KIF5C: variants seen among roughly 807,000 people sequenced by gnomAD.
KIF5C encodes the protein kinesin heavy chain isoform 5C.
KIF5C carries 18 observed loss-of-function variants against 125.2 expected under a neutral mutation model. That is an observed-to-expected ratio of 0.14 (90% CI 0.10 to 0.21). The LOEUF (loss-of-function observed/expected upper bound fraction) is 0.21. Among genes scored for constraint, KIF5C ranks in the 10% least tolerant of loss-of-function variants. The probability of loss-of-function intolerance (pLI) is 1.00; values close to 1 mark genes in which losing one functional copy is unlikely to be tolerated. For synonymous variants in KIF5C, 405 were observed against 434.0 expected (o/e 0.93, Z 0.83); for missense variants, 780 against 1,183.8 (o/e 0.66, Z 5.01).
rs1183695032 is a variant in KIF5C, at chr2:149,025,458, C to T, written c.*2388C>T. ...ATATCAGGACCATGTTCTCTGTAGGCCACTTTCTAAAAAAGCCACATATGT... is the reference window on the plus strand; with the variant it reads ...ATATCAGGACCATGTTCTCTGTAGGTCACTTTCTAAAAAAGCCACATATGT... On this transcript the variant is annotated 3_prime_UTR_variant, in exon 26 of 26. Transcript: ENST00000435030. The T allele has an allele frequency of 6.6e-6, 1 of 152,582 alleles. No homozygotes were observed. Among genetic ancestry groups the T allele is most frequent in the African/African-American group, 2.4e-5 (1 of 41,420 alleles). 9.5% of individuals were successfully genotyped at this position (152,582 alleles called of 1,614,324 possible).
intron 2 of KIF5C, 42 bp from the exon 3 acceptor site, chr2:148,929,239 C>A: frequency 7.9e-7 from 1 of 1,270,258 alleles, no homozygotes; most frequent in Non-Finnish European, 1.1e-6. Flanking sequence ...AGCATATGAT[C>A]AAAGTAATGA....
At chr2:148,995,440 A>G (rs1681639767) in intron 17 of KIF5C, among the ~76,000 whole-genome samples, 1 of 152,214 alleles carries the variant, frequency 6.6e-6, no homozygotes, top group Non-Finnish European at 1.5e-5. Context: ...GCACATAGGA[A>G]GCACTTCATA....
At chr2:148,879,491 A>T (rs1178007009) in intron 1 of KIF5C, 1 of 143,702 alleles carries the variant, frequency 7.0e-6, no homozygotes, top group Admixed American at 7.0e-5. Context: ...AAAGAACTGC[A>T]TTCAGCTTTG....
At chr2:148,935,134 T>C in intron 3 of KIF5C, 1 of 351,388 alleles carries the variant, frequency 2.8e-6, no homozygotes, top group South Asian at 2.2e-5. Context: ...GATTTTAGGG[T>C]GAGGACTTCA....
chr2:148,997,372 G>C, intron 18 of KIF5C, 32 bp downstream of exon 18: 1 of 1,613,742 alleles, frequency 6.2e-7, no homozygotes, highest in African/African-American at 1.3e-5. Context: ...ATCAAGCCCA[G>C]TGTGCATTTG....
chr2:148,899,702 C>CAAAAAAAAAAA (rs771196518), intron 1 of KIF5C, among the ~76,000 whole-genome samples: 2 of 46,062 alleles, frequency 4.3e-5, no homozygotes, highest in African/African-American at 7.6e-5. Context: ...AACTCCATCT[C>CAAAAAAAAAAA]AAAAAAAAAA....
intron 3 of KIF5C, among the ~76,000 whole-genome samples, chr2:148,930,172 G>T (rs1451152333): frequency 6.6e-6 from 1 of 152,132 alleles, no homozygotes; most frequent in African/African-American, 2.4e-5. Context: ...CTTATATTTG[G>T]CATCCTTCCT....
At chr2:148,971,362 A>G (rs944164520) in intron 11 of KIF5C, among the ~76,000 whole-genome samples, 2 of 151,128 alleles carry the variant, frequency 1.3e-5, no homozygotes, top group African/African-American at 4.9e-5. Context: ...TATGTTTAAG[A>G]AAAAAAAAGA....
intron 2 of KIF5C, 56 bp from the exon 3 acceptor site, chr2:148,929,225 C>A: frequency 9.2e-7 from 1 of 1,082,938 alleles, no homozygotes; most frequent in Non-Finnish European, 1.4e-6. Flanking sequence ...ATGCAACCTA[C>A]ACCAGCATAT....
intron 3 of KIF5C, among the ~76,000 whole-genome samples, chr2:148,933,110 T>C (rs1682215135): frequency 6.6e-6 from 1 of 152,260 alleles, no homozygotes; most frequent in African/African-American, 2.4e-5. Flanking sequence ...AAATACACTT[T>C]CACTGTTCTT....
In KIF5C at chr2:148,951,844, C is replaced by T. The variant is rs139828554; in HGVS notation, c.968+1382C>T. On this transcript the variant is annotated intron_variant, in intron 10 of 25. Transcript: ENST00000435030. ...GAATAGTTTAAGATGAGAGAAAGGA[C>T]AGATGGGGGTGGGCATTCTGTCTGG... Among the ~76,000 whole-genome samples the T allele has an allele frequency of 6.8e-3, 1,036 of 152,230 alleles. 17 individuals are homozygous for T. Among genetic ancestry groups the T allele is most frequent in the Middle Eastern group, 0.065 (19 of 294 alleles).
chr2:148,999,047 G>A (rs895837840), intron 19 of KIF5C, among the ~76,000 whole-genome samples: 1 of 152,158 alleles, frequency 6.6e-6, no homozygotes, highest in Non-Finnish European at 1.5e-5. Flanking sequence ...TGCAGGTAGA[G>A]GTGCCAGTGA....
chr2:148,948,024 C>T, intron 8 of KIF5C: 1 of 456,508 alleles, frequency 2.2e-6, no homozygotes, highest in Admixed American at 2.3e-5. Flanking sequence ...AGAAAGTCAT[C>T]CGGGTATTTC....
chr2:148,939,567 GC>G (rs1682363466), intron 4 of KIF5C, among the ~76,000 whole-genome samples: 1 of 152,238 alleles, frequency 6.6e-6, no homozygotes, highest in Non-Finnish European at 1.5e-5. Flanking sequence ...GATAAAAACA[GC>G]CCTAGCATGA....
At chr2:149,022,849 G>A (rs1234152714) in intron 25 of KIF5C, among the ~76,000 whole-genome samples, 1 of 152,192 alleles carries the variant, frequency 6.6e-6, no homozygotes, top group Non-Finnish European at 1.5e-5. Context: ...ACTTGAACCC[G>A]AGAGGCAGAG....
intron 1 of KIF5C, among the ~76,000 whole-genome samples, chr2:148,899,266 A>G (rs1444623419): frequency 1.3e-5 from 2 of 152,232 alleles, no homozygotes; most frequent in Non-Finnish European, 2.9e-5. Context: ...TTTCAAGACT[A>G]CTTGCTGCTT....
rs1681744526 is a variant in KIF5C at position 148,998,522 on chromosome 2, A to G, written c.2210+13A>G. ...ATGAGATTCGGGAGTGAGTCGGCCCAGGGCACCAGGGGTGTGGGGGTGGTC... is the reference window on the plus strand; with the variant it reads ...ATGAGATTCGGGAGTGAGTCGGCCCGGGGCACCAGGGGTGTGGGGGTGGTC... On this transcript the variant is annotated intron_variant, in intron 19 of 25. Transcript: ENST00000435030. 3 of 1,552,240 alleles carry G rather than the reference A, an allele frequency of 1.9e-6. No homozygotes were observed. In the African/African-American group the frequency reaches 4.1e-5, roughly 21 times the overall value.
At chr2:149,010,038 G>A (rs975860533) in intron 23 of KIF5C, 97 bp from the exon 24 acceptor site, 74 of 1,455,714 alleles carry the variant, frequency 5.1e-5, no homozygotes, top group Non-Finnish European at 6.5e-5. Context: ...CCTAGCAGGG[G>A]CCACCTGTTC....
chr2:148,940,098 A>C (rs1170642818), intron 4 of KIF5C, among the ~76,000 whole-genome samples: 1 of 152,228 alleles, frequency 6.6e-6, no homozygotes, highest in Non-Finnish European at 1.5e-5. Context: ...TTAAGATCTC[A>C]AAAATAATAG....
Sources: allele counts gnomAD v4.1 joint callset (sites outside exome capture counted in the v4.1 genomes callset), GRCh38; gene constraint gnomAD v4.1.1; transcripts MANE v1.5; gene names NCBI Gene and HGNC (gene_info 2026-07-23, HGNC 2026-07-21).